The following IGSF9B variants were observed in gnomAD, a reference collection of about 807,000 sequenced individuals.
The protein encoded by IGSF9B is immunoglobulin superfamily member 9B, also known as protein turtle homolog B.
A neutral mutation model predicts 143.7 loss-of-function variants in IGSF9B; 48 were observed. The observed-to-expected ratio is 0.33, with a 90% CI of 0.26 to 0.42. The LOEUF (loss-of-function observed/expected upper bound fraction) is 0.42, where lower values mean the gene tolerates loss of function less well. Ranked by LOEUF, IGSF9B falls within the 20% of genes least tolerant of loss-of-function variation. The pLI, the probability that IGSF9B is intolerant of heterozygous loss-of-function variation, is 1.00. For missense variants in IGSF9B, 1,706 were observed against 1,980.0 expected (o/e 0.86, Z 2.63); for synonymous variants, 903 against 833.1 (o/e 1.08, Z -1.44).
intron 1 of IGSF9B, among the ~76,000 whole-genome samples, chr11:133,950,702 G>A (rs1940142350): frequency 6.6e-6 from 1 of 152,230 alleles, no homozygotes; most frequent in Non-Finnish European, 1.5e-5. Flanking sequence ...CCATAGGGTG[G>A]GCCTGTCTCA....
chr11:133,939,237 G>T (rs1000678086), intron 3 of IGSF9B, among the ~76,000 whole-genome samples: 1 of 152,202 alleles, frequency 6.6e-6, no homozygotes, highest in Non-Finnish European at 1.5e-5. Flanking sequence ...ACTCCTTTGG[G>T]TTATGCAAGT....
chr11:133,923,975 TA>T (rs1169869084), intron 15 of IGSF9B, among the ~76,000 whole-genome samples: 1 of 152,034 alleles, frequency 6.6e-6, no homozygotes, highest in Admixed American at 6.6e-5. Context: ...CTTTTTTTTT[TA>T]AAGCCCATTG....
intron 4 of IGSF9B, 67 bp downstream of exon 4, chr11:133,937,743 A>G: frequency 6.5e-7 from 1 of 1,536,444 alleles, no homozygotes; most frequent in South Asian, 1.2e-5. Context: ...GGTCGGCTGC[A>G]GTAGGAGGCT....
Position 133,929,757 on chromosome 11 carries a change from A to G in IGSF9B, c.1545T>C (p.Ser515=), listed in dbSNP as rs768558626. The G allele has an allele frequency of 6.2e-7, 1 of 1,613,764 alleles. No homozygotes were observed. The change falls in exon 12 of 20, where the codon AGT becomes AGC. Residue 515 remains serine (S), a synonymous_variant. Coordinates refer to ENST00000533871, the MANE Select transcript of IGSF9B (RefSeq NM_001277285.4). ...TTGTCATGGAGACCTGGACCCGGAC[A>G]CTGCCCGGGGCATGGGGGCTGGTGC... The part of the protein sequence containing the change: ...VIGTSPHAPG[S]VRVQVSMTTA...
rs1939173418 is a variant in IGSF9B at position 133,903,644 on chromosome 11, A to G, written c.*5425T>C. On this transcript the variant is annotated 3_prime_UTR_variant, in exon 20 of 20. Coordinates refer to ENST00000533871, the MANE Select transcript of IGSF9B (RefSeq NM_001277285.4). ...GGTGTCTTTGGACCAAATTCAATCT[A>G]CTGAGTGTTTTTCTAACAGCTTAAA... is the stretch of plus-strand genomic sequence containing the variant. 6.6e-6 allele frequency among the ~76,000 whole-genome samples: 1 copy of G among 152,166 alleles called. No individual in the cohort carries two copies. The highest frequency in any genetic ancestry group is 1.5e-5 in the Non-Finnish European group (1 of 68,030).
Position 133,919,879 on chromosome 11 carries a change from G to A in IGSF9B, c.3846C>T (p.Tyr1282=), listed in dbSNP as rs759648681. The change falls in exon 18 of 20, where the codon TAC becomes TAT. Residue 1282 remains tyrosine (Y), a synonymous_variant. Coordinates refer to ENST00000533871, the MANE Select transcript of IGSF9B (RefSeq NM_001277285.4). ...GGGCGGGGCCGGGTGGAGGGGAAGG[G>A]TAGCCGGTGGCCAGAGTGGTGAAGC... The part of the protein sequence containing the change: ...AMGFTTLATG[Y]PSPPPGPAPA... 4 of 1,584,296 alleles carry A rather than the reference G, an allele frequency of 2.5e-6. No homozygotes were observed. Among genetic ancestry groups the A allele is most frequent in the South Asian group, 2.3e-5 (2 of 87,112 alleles).
chr11:133,920,073 G>C lies in IGSF9B; in HGVS notation c.3652C>G (p.Leu1218Val). The C allele has an allele frequency of 6.5e-7, 1 of 1,534,996 alleles. No individual in the cohort carries two copies. The highest frequency in any genetic ancestry group is 8.8e-7 in the Non-Finnish European group (1 of 1,142,154). ...GGGCGAGGCCGGGCACGGGCGGCGA[G>C]CTCAGGGGAGCCGGTGCGGGAGCTG... ...PLSSRTGSPE[L>V]AARARPRPGL... The change falls in exon 18 of 20, where the codon CTC (leucine) becomes GTC (valine). Residue 1218 changes from leucine to valine, a missense_variant. Physicochemically the swap from Leu to Val is conservative, Grantham distance 32 (BLOSUM62 1). Around this residue, in one of 7 missense-constraint regions of IGSF9B, gnomAD observed 880 missense variants for 762.9 expected, o/e 1.15. Transcript: ENST00000533871.
In IGSF9B at chr11:133,938,068, C is replaced by G. The variant is rs575645045; in HGVS notation, c.410-107G>C. The G allele has an allele frequency of 1.3e-5, 17 of 1,269,932 alleles. No homozygotes were observed. The African/African-American group carries it at 1.9e-4, about 14-fold the overall frequency. The allele number at this position is 1,269,932 out of a possible 1,614,324, so 78.7% of individuals were successfully genotyped here. On this transcript the variant is annotated intron_variant, in intron 3 of 19. Transcript: ENST00000533871. Reference sequence around the variant, plus strand: ...ACCCTCGCTGCGGCTCTGCGGAATGCAAGGACAAAGGAAGGAAGGTGGGGA... The same window carrying G: ...ACCCTCGCTGCGGCTCTGCGGAATGGAAGGACAAAGGAAGGAAGGTGGGGA...
At chr11:133,951,867 A>G (rs1940164970) in intron 1 of IGSF9B, 2 of 243,322 alleles carry the variant, frequency 8.2e-6, no homozygotes, top group South Asian at 8.2e-5. Flanking sequence ...CCGAAGTCCC[A>G]TGTTTACTCC....
chr11:133,921,670 C>A (rs1295471424), intron 17 of IGSF9B, among the ~76,000 whole-genome samples: 1 of 151,972 alleles, frequency 6.6e-6, no homozygotes, highest in Non-Finnish European at 1.5e-5. Context: ...CCCAAAGTGC[C>A]AGGATTACAG....
intron 18 of IGSF9B, among the ~76,000 whole-genome samples, chr11:133,915,364 G>A (rs1939362405): frequency 7.1e-6 from 1 of 141,038 alleles, no homozygotes; most frequent in Non-Finnish European, 1.5e-5. Context: ...GACCTCCCCA[G>A]CTCAGATGAT....
In IGSF9B at chr11:133,956,730, T is replaced by A; in HGVS notation, c.25A>T (p.Ile9Leu). Reference sequence around the variant, plus strand: ...CCTCGGGTGCCGATCACACTTGCTATGAAAGTGGCCACATACCAAATCATA... The same window carrying A: ...CCTCGGGTGCCGATCACACTTGCTAAGAAAGTGGCCACATACCAAATCATA... MIWYVATF[I>L]ASVIGTRGLA... The change falls in exon 1 of 20, where the codon ATA (isoleucine) becomes TTA (leucine). Residue 9 changes from isoleucine (I) to leucine (L), a missense_variant. Ile to Leu is a conservative substitution (Grantham distance 5, BLOSUM62 2). Transcript: ENST00000533871. 1 of 1,545,640 alleles carries A rather than the reference T, an allele frequency of 6.5e-7. No homozygotes were observed. Among genetic ancestry groups the A allele is most frequent in the Non-Finnish European group, 8.7e-7 (1 of 1,147,562 alleles).
At chr11:133,929,086 G>A (rs897891454) in intron 12 of IGSF9B, among the ~76,000 whole-genome samples, 4 of 152,134 alleles carry the variant, frequency 2.6e-5, no homozygotes, top group Non-Finnish European at 4.4e-5. Context: ...CAACAATAAT[G>A]TATCATACAT....
intron 15 of IGSF9B, 104 bp from the exon 16 acceptor site, chr11:133,922,834 C>A: frequency 8.8e-7 from 1 of 1,142,814 alleles, no homozygotes; most frequent in Non-Finnish European, 1.2e-6. Context: ...GTAGAACAGA[C>A]AGTGTCAAGG....
At chr11:133,930,042 C>G (rs535018393) in intron 11 of IGSF9B, among the ~76,000 whole-genome samples, 20 of 152,240 alleles carry the variant, frequency 1.3e-4, no homozygotes, top group South Asian at 4.1e-4. Flanking sequence ...AGGAATGGGT[C>G]CAACAGAAAC....
At chr11:133,914,009 C>T (rs1272503971) in intron 18 of IGSF9B, among the ~76,000 whole-genome samples, 2 of 152,298 alleles carry the variant, frequency 1.3e-5, no homozygotes, top group East Asian at 3.9e-4. Context: ...CGAGAGAAAC[C>T]GGTACAGGGT....
At position 133,920,164 on chromosome 11, in the gene IGSF9B, G is replaced by C; in HGVS notation, c.3561C>G (p.Ala1187=). The change falls in exon 18 of 20, where the codon GCC becomes GCG. Residue 1187 remains alanine (A), a synonymous_variant. Transcript: ENST00000533871. ...GCACCACTTGATGTAAACTGGGCTC[G>C]GCGCGCCTGGCCTGCCGAGGGCTAG... ...PRPSPRQARR[A]EPSLHQVVLQ... is the part of the protein sequence containing the mutation. 1 of 1,509,130 alleles carries C rather than the reference G, an allele frequency of 6.6e-7. No individual in the cohort carries two copies. Among genetic ancestry groups the C allele is most frequent in the Non-Finnish European group, 8.9e-7 (1 of 1,128,720 alleles). 93.5% of individuals were successfully genotyped at this position (1,509,130 alleles called of 1,614,324 possible).
At chr11:133,942,667 C>T (rs1939973001) in intron 3 of IGSF9B, among the ~76,000 whole-genome samples, 1 of 152,196 alleles carries the variant, frequency 6.6e-6, no homozygotes, top group Admixed American at 6.5e-5. Context: ...TGCGGGGACC[C>T]TCAGCCTGGT....
At chr11:133,952,120 C>A (rs1158140467) in intron 1 of IGSF9B, 3 of 447,532 alleles carry the variant, frequency 6.7e-6, no homozygotes, top group Non-Finnish European at 1.4e-5. Flanking sequence ...TTCTCCAGAG[C>A]CCTCTTGGAG....
Sources: allele counts gnomAD v4.1 joint callset (sites outside exome capture counted in the v4.1 genomes callset), GRCh38; gene constraint gnomAD v4.1.1; regional missense constraint gnomAD v4.1.1; transcripts MANE v1.5; gene names NCBI Gene and HGNC (gene_info 2026-07-23, HGNC 2026-07-21).